Variants in APBA2 observed in about 807,000 individuals in gnomAD.
APBA2 encodes amyloid beta precursor protein binding family A member 2.
In APBA2, 30 loss-of-function variants were observed where a neutral mutation model predicts 75.0. That is an observed-to-expected ratio of 0.40 (90% CI 0.30 to 0.54). APBA2 has a LOEUF of 0.54. Ranked by LOEUF, APBA2 falls within the 20% of genes least tolerant of loss-of-function variation. The pLI, the probability that APBA2 is intolerant of heterozygous loss-of-function variation, is 0.49. For synonymous variants in APBA2, 444 were observed against 409.6 expected, an observed-to-expected ratio of 1.08 and a Z score of -1.01; for missense variants, 801 against 1,016.1, an observed-to-expected ratio of 0.79 and a Z score of 2.88.
chr15:28,954,204 A>T (rs891971709), intron 2 of APBA2, among the ~76,000 whole-genome samples: 1 of 152,092 alleles, frequency 6.6e-6, no homozygotes, highest in Non-Finnish European at 1.5e-5. Context: ...TCCTTGCTAG[A>T]TTGCTGTGCC....
chr15:29,065,038 T>C (rs2042319239), intron 4 of APBA2, among the ~76,000 whole-genome samples: 1 of 151,438 alleles, frequency 6.6e-6, no homozygotes, highest in Admixed American at 6.6e-5. Flanking sequence ...CACGCACGCT[T>C]GTATGTGAGA....
chr15:29,105,648 C>G, intron 11 of APBA2, 90 bp downstream of exon 11: 1 of 1,424,446 alleles, frequency 7.0e-7, no homozygotes, highest in Non-Finnish European at 9.7e-7. Flanking sequence ...GGGGTCCTCA[C>G]GCACACCCTT....
At chr15:28,930,827 C>G (rs1444760539) in intron 2 of APBA2, among the ~76,000 whole-genome samples, 1 of 152,194 alleles carries the variant, frequency 6.6e-6, no homozygotes, top group Non-Finnish European at 1.5e-5. Flanking sequence ...CTTGACTGCT[C>G]TCCCTATCCT....
At chr15:28,988,686 G>A (rs1038477126) in intron 2 of APBA2, among the ~76,000 whole-genome samples, 2 of 152,172 alleles carry the variant, frequency 1.3e-5, no homozygotes, top group Non-Finnish European at 2.9e-5. Flanking sequence ...ACTATTTGTC[G>A]TTCTCCATTG....
At chr15:28,986,289 G>A (rs138176268) in intron 2 of APBA2, among the ~76,000 whole-genome samples, 3 of 152,282 alleles carry the variant, frequency 2.0e-5, no homozygotes, top group African/African-American at 7.2e-5. Flanking sequence ...CCATTCAGGT[G>A]TAGGACTCAC....
chr15:29,009,223 C>T (rs1042969129), intron 3 of APBA2, among the ~76,000 whole-genome samples: 1 of 152,134 alleles, frequency 6.6e-6, no homozygotes, highest in Non-Finnish European at 1.5e-5. Context: ...AGATATGGTG[C>T]CTTTTCTAGT....
At chr15:29,082,477 C>T (rs2043125971) in intron 6 of APBA2, among the ~76,000 whole-genome samples, 1 of 152,120 alleles carries the variant, frequency 6.6e-6, no homozygotes, top group African/African-American at 2.4e-5. Context: ...AAGGTTTGTA[C>T]CATTTGACCA....
chr15:28,887,713 A>G (rs530926596), intron 1 of APBA2, among the ~76,000 whole-genome samples: 26 of 152,264 alleles, frequency 1.7e-4, no homozygotes, highest in African/African-American at 4.1e-4. Flanking sequence ...CTGGGGCTCC[A>G]GGCAATGTCC....
intron 9 of APBA2, among the ~76,000 whole-genome samples, chr15:29,100,507 G>C (rs568349340): frequency 6.6e-6 from 1 of 152,360 alleles, no homozygotes; most frequent in African/African-American, 2.4e-5. Context: ...AGTCTTGTTA[G>C]GTAGGGGTTG....
intron 3 of APBA2, among the ~76,000 whole-genome samples, chr15:29,017,557 A>G (rs1000490642): frequency 6.6e-6 from 1 of 151,772 alleles, no homozygotes; most frequent in Admixed American, 6.6e-5. Context: ...TTTAGTAGAG[A>G]CAGCAATTTC....
intron 2 of APBA2, among the ~76,000 whole-genome samples, chr15:28,967,637 A>G (rs1431890955): frequency 6.6e-6 from 1 of 152,028 alleles, no homozygotes; most frequent in African/African-American, 2.4e-5. Flanking sequence ...ATGGGGTTTC[A>G]CCGTGTTAGC....
At chr15:28,989,831 C>T (rs12101619) in intron 2 of APBA2, among the ~76,000 whole-genome samples, 16,800 of 152,168 alleles carry the variant, frequency 0.11, 2,834 homozygotes, top group African/African-American at 0.36. Context: ...TCTTCCCCTT[C>T]ATCCTGGCCT....
chr15:28,961,408 T>G (rs1004320519), intron 2 of APBA2: 13 of 151,846 alleles, frequency 8.6e-5, no homozygotes, highest in African/African-American at 3.1e-4. Flanking sequence ...GTCGTGTGCC[T>G]GAGCCACTGC....
chr15:29,039,069 C>T (rs2040890070), intron 3 of APBA2, among the ~76,000 whole-genome samples: 1 of 147,956 alleles, frequency 6.8e-6, no homozygotes, highest in South Asian at 2.2e-4. Context: ...GTCCTTTGAG[C>T]ATGCAGCCTT....
At chr15:28,931,998 A>G (rs1194016748) in intron 2 of APBA2, among the ~76,000 whole-genome samples, 1 of 152,184 alleles carries the variant, frequency 6.6e-6, no homozygotes, top group Non-Finnish European at 1.5e-5. Context: ...GGGTCTGGGC[A>G]TGGCTGCAGC....
chr15:29,054,906 T>C lies in APBA2; in HGVS notation c.951+71T>C, dbSNP rs1413288774. 16 of 1,452,550 alleles carry C rather than the reference T, an allele frequency of 1.1e-5. No individual in the cohort carries two copies. Among genetic ancestry groups the C allele is most frequent in the African/African-American group, 2.8e-5 (2 of 71,104 alleles). The allele number at this position is 1,452,550 out of a possible 1,614,324, so 90.0% of individuals were successfully genotyped here. On this transcript the variant is annotated intron_variant, in intron 4 of 14. Coordinates refer to ENST00000683413, the MANE Select transcript of APBA2 (RefSeq NM_001353788.2). This position sits in a 1 kb window ranked among gnomAD's most constrained non-coding sequence, Gnocchi z 6.1. ...GCAAGGGACCTCAGGGTACAGGCCT[T>C]GCAGATGCTGAAGCGAGGCGGTGGG...
intron 4 of APBA2, among the ~76,000 whole-genome samples, chr15:29,062,170 C>G (rs1292212549): frequency 6.6e-6 from 1 of 152,130 alleles, no homozygotes; most frequent in Admixed American, 6.5e-5. Flanking sequence ...GTAGTCGGCT[C>G]CCTCCTTTCT....
chr15:28,892,384 T>C (rs1313568968), intron 1 of APBA2, among the ~76,000 whole-genome samples: 4 of 152,240 alleles, frequency 2.6e-5, no homozygotes, highest in African/African-American at 9.6e-5. Flanking sequence ...CCATGTTTTA[T>C]CTTTTATACC....
chr15:28,953,160 C>T (rs2035980978), intron 2 of APBA2, among the ~76,000 whole-genome samples: 1 of 152,144 alleles, frequency 6.6e-6, no homozygotes, highest in South Asian at 2.1e-4. Flanking sequence ...TTGAGACTCC[C>T]ACCCCCTCAT....
Sources: allele counts gnomAD v4.1 joint callset (sites outside exome capture counted in the v4.1 genomes callset), GRCh38; gene constraint gnomAD v4.1.1; non-coding constraint Gnocchi (gnomAD v3.1); transcripts MANE v1.5; gene names NCBI Gene and HGNC (gene_info 2026-07-23, HGNC 2026-07-21).